USP46: variants seen among roughly 807,000 people sequenced by gnomAD.
The protein encoded by USP46 is ubiquitin specific peptidase 46, also known as ubiquitin carboxyl-terminal hydrolase 46.
A neutral mutation model predicts 44.4 loss-of-function variants in USP46; 12 were observed. The observed-to-expected ratio is 0.27, with a 90% CI of 0.17 to 0.44. USP46 has a LOEUF of 0.44. Among genes scored for constraint, USP46 ranks in the 20% least tolerant of loss-of-function variants. The pLI is 1.00. For missense variants in USP46, 248 were observed against 444.8 expected (o/e 0.56, Z 3.98); for synonymous variants, 155 against 161.5 (o/e 0.96, Z 0.31).
chr4:52,625,084 G>C (rs1319509683), intron 4 of USP46, among the ~76,000 whole-genome samples: 1 of 152,140 alleles, frequency 6.6e-6, no homozygotes, highest in Admixed American at 6.5e-5. Flanking sequence ...TCCATACAAT[G>C]TCAGGAAACT....
rs1716278551 is a variant in USP46, at chr4:52,597,197, A to G, written c.*443T>C. 6.3e-6 allele frequency: 1 copy of G among 159,010 alleles called. No homozygotes were observed. Among genetic ancestry groups the G allele is most frequent in the South Asian group, 1.9e-4 (1 of 5,234 alleles). The allele number at this position is 159,010 out of a possible 1,614,324, so 9.8% of individuals were successfully genotyped here. On this transcript the variant is annotated 3_prime_UTR_variant, in exon 9 of 9. Coordinates refer to ENST00000441222, the MANE Select transcript of USP46 (RefSeq NM_022832.4). The stretch of plus-strand genomic sequence containing the variant: ...ATCTACCCAATTCTTCTGTCCTTGT[A>G]TCAGAAGAGAGGCAGAGAAGCTGAA...
chr4:52,608,010 T>C (rs985248422), intron 5 of USP46, among the ~76,000 whole-genome samples: 5 of 152,208 alleles, frequency 3.3e-5, no homozygotes, highest in African/African-American at 1.2e-4. Context: ...GTTATCTCAA[T>C]TGATGGTTCA....
chr4:52,651,229 G>A (rs1718760898), intron 1 of USP46: 1 of 152,064 alleles, frequency 6.6e-6, no homozygotes, highest in Non-Finnish European at 1.5e-5. Context: ...TTAAGAGGCT[G>A]AGGTTATTAC....
intron 1 of USP46, among the ~76,000 whole-genome samples, chr4:52,639,008 A>G (rs1560409214): frequency 6.6e-6 from 1 of 152,150 alleles, no homozygotes; most frequent in Non-Finnish European, 1.5e-5. Flanking sequence ...CCAAACTCCT[A>G]CTTCACATGC....
chr4:52,651,469 T>C (rs1036251910), intron 1 of USP46, among the ~76,000 whole-genome samples: 1 of 152,136 alleles, frequency 6.6e-6, no homozygotes, highest in African/African-American at 2.4e-5. Flanking sequence ...AAACCATACA[T>C]TTCTTTGTTT....
At chr4:52,618,651 G>C (rs1225876890) in intron 4 of USP46, among the ~76,000 whole-genome samples, 1 of 152,146 alleles carries the variant, frequency 6.6e-6, no homozygotes, top group Non-Finnish European at 1.5e-5. Context: ...TGATGAGGTG[G>C]CTGTTCTGCA....
At chr4:52,625,948 G>T in intron 4 of USP46, 70 bp downstream of exon 4, 1 of 1,384,946 alleles carries the variant, frequency 7.2e-7, no homozygotes, top group Non-Finnish European at 1.0e-6. Flanking sequence ...ATACGACATT[G>T]CAATCACATG....
chr4:52,601,725 A>G, intron 7 of USP46, 132 bp downstream of exon 7: 1 of 802,160 alleles, frequency 1.2e-6, no homozygotes, highest in East Asian at 3.0e-5. Flanking sequence ...TTTTGTGATG[A>G]TCAGTAAGAG....
chr4:52,641,694 G>A (rs1433898527), intron 1 of USP46, among the ~76,000 whole-genome samples: 3 of 152,196 alleles, frequency 2.0e-5, no homozygotes, highest in Admixed American at 2.0e-4. Flanking sequence ...CATCCTTGGA[G>A]AAGAGCCAGA....
chr4:52,653,495 CAAAAAA>C lies in USP46; in HGVS notation c.36+5614_36+5619del, dbSNP rs397880678. Among the ~76,000 whole-genome samples, 311 of 53,016 alleles carry C rather than the reference CAAAAAA, an allele frequency of 5.9e-3. 1 individual carries two copies. The highest frequency in any genetic ancestry group is 0.019 in the African/African-American group (271 of 14,318). 34.8% of individuals were successfully genotyped at this position (53,016 alleles called of 152,430 possible). ...GGGCAACAAGAACAAAACTCTATCT[CAAAAAA>C]AAAAAAAAAAAAAAAAAAGATTTTG... On this transcript the variant is annotated intron_variant, in intron 1 of 8. Coordinates refer to ENST00000441222, the MANE Select transcript of USP46 (RefSeq NM_022832.4).
At chr4:52,643,226 AC>A (rs1329015410) in intron 1 of USP46, among the ~76,000 whole-genome samples, 1 of 152,066 alleles carries the variant, frequency 6.6e-6, no homozygotes, top group Non-Finnish European at 1.5e-5. Context: ...CTTCAAAGCT[AC>A]CTTCCCTGAC....
rs1413423984 is a variant in USP46 at position 52,631,094 on chromosome 4, T to G, written c.87A>C (p.Pro29=). Residue 29 remains proline, a synonymous_variant, in exon 2 of 9, where the codon CCA becomes CCC. Transcript: ENST00000441222. ...LEKDIGPEQF[P]INEHYFGLVN... is the part of the protein sequence containing the mutation. ...CCAATCCGAAATAGTGTTCATTGATTGGAAACTGCTCTGGACCAATGTCTT... is the reference window on the plus strand; with the variant it reads ...CCAATCCGAAATAGTGTTCATTGATGGGAAACTGCTCTGGACCAATGTCTT... The G allele has an allele frequency of 6.4e-7, 1 of 1,568,054 alleles. No homozygotes were observed. Among genetic ancestry groups the G allele is most frequent in the African/African-American group, 1.3e-5 (1 of 74,324 alleles).
intron 1 of USP46, among the ~76,000 whole-genome samples, chr4:52,655,751 G>A (rs899172145): frequency 1.3e-5 from 2 of 152,188 alleles, no homozygotes; most frequent in Non-Finnish European, 2.9e-5. Flanking sequence ...ACACTGCTGT[G>A]TGGCCAAGCT....
intron 4 of USP46, among the ~76,000 whole-genome samples, chr4:52,623,556 C>A (rs1418332216): frequency 6.6e-6 from 1 of 151,252 alleles, no homozygotes; most frequent in African/African-American, 2.4e-5. Flanking sequence ...ACATTAGATG[C>A]CAAAAAAATG....
rs181578777 is a variant in USP46 at position 52,593,960 on chromosome 4, T to A, written c.*3680A>T. ...GATCTTTTTCACTCAAAAAAAGTGA[T>A]GAGTTATCTCCAGAACATTGATTTT... On this transcript the variant is annotated 3_prime_UTR_variant, in exon 9 of 9. Coordinates refer to ENST00000441222, the MANE Select transcript of USP46 (RefSeq NM_022832.4). 6.6e-6 allele frequency: 1 copy of A among 152,252 alleles called. No homozygotes were observed. The highest frequency in any genetic ancestry group is 1.5e-5 in the Non-Finnish European group (1 of 68,040). 9.4% of individuals were successfully genotyped at this position (152,252 alleles called of 1,614,324 possible). A position where few individuals can be genotyped will look rare whatever the true frequency, so the allele number is the denominator to read the frequency against.
chr4:52,622,287 T>C (rs1010031967), intron 4 of USP46, among the ~76,000 whole-genome samples: 4 of 152,226 alleles, frequency 2.6e-5, no homozygotes, highest in Admixed American at 6.5e-5. Flanking sequence ...AAAATGTATA[T>C]GTGGCCTATA....
At chr4:52,608,712 T>C (rs1376491800) in intron 5 of USP46, among the ~76,000 whole-genome samples, 10 of 152,128 alleles carry the variant, frequency 6.6e-5, no homozygotes, top group Non-Finnish European at 1.2e-4. Context: ...AACCCAGGCA[T>C]TGTTGTTCTT....
rs1716179693 is a variant in USP46 at position 52,595,249 on chromosome 4, A to G, written c.*2391T>C. 3 of 152,602 alleles carry G rather than the reference A, an allele frequency of 2.0e-5. No homozygotes were observed. In the South Asian group the frequency reaches 6.2e-4, roughly 32 times the overall value. The allele number at this position is 152,602 out of a possible 1,614,324, so 9.5% of individuals were successfully genotyped here. On this transcript the variant is annotated 3_prime_UTR_variant, in exon 9 of 9. Transcript: ENST00000441222. ...CACTGTGAATGAGGGATGTAAACTAAAAGTGTTTGCATGTTACTGTCTTTA... is the reference window on the plus strand; with the variant it reads ...CACTGTGAATGAGGGATGTAAACTAGAAGTGTTTGCATGTTACTGTCTTTA...
chr4:52,632,692 TGTA>T (rs970499426), intron 1 of USP46, among the ~76,000 whole-genome samples: 1 of 151,306 alleles, frequency 6.6e-6, no homozygotes, highest in Non-Finnish European at 1.5e-5. Flanking sequence ...AGCACAAACC[TGTA>T]GTGCCAGCTA....
Sources: gnomAD v4.1 joint callset for allele counts (sites outside exome capture counted in the v4.1 genomes callset) on GRCh38, gnomAD v4.1.1 for gene constraint, MANE v1.5 for transcripts, NCBI Gene and HGNC (gene_info 2026-07-23, HGNC 2026-07-21) for gene names.